The following GAS2 variants were observed in gnomAD, a reference collection of about 807,000 sequenced individuals.
GAS2 encodes growth arrest-specific protein 2.
Under a neutral mutation model 37.5 loss-of-function variants are expected in GAS2, and 20 were observed. The observed-to-expected ratio is 0.53, with a 90% CI of 0.37 to 0.77. GAS2 has a LOEUF of 0.77. Ranked by LOEUF, GAS2 falls within the 30% of genes least tolerant of loss-of-function variation. The pLI is 0.00. For synonymous variants in GAS2, 144 were observed against 132.2 expected (o/e 1.09, Z -0.61); for missense variants, 336 against 373.4 (o/e 0.90, Z 0.82).
chr11:22,682,699 G>T (rs1849739040), intron 2 of GAS2, among the ~76,000 whole-genome samples: 1 of 151,820 alleles, frequency 6.6e-6, no homozygotes, highest in Non-Finnish European at 1.5e-5. Context: ...CCAACATGGT[G>T]AAACCCTGTC....
At chr11:22,789,426 A>ATATATAAATATATATATATATG (rs1491274500) in intron 7 of GAS2, among the ~76,000 whole-genome samples, 4 of 20,738 alleles carry the variant, frequency 1.9e-4, no homozygotes, top group African/African-American at 1.5e-3. Context: ...CTCATATGAG[A>ATATATAAATATATATATATATG]TATATATATA....
intron 7 of GAS2, among the ~76,000 whole-genome samples, chr11:22,774,129 G>A (rs1345283052): frequency 1.3e-5 from 2 of 152,184 alleles, no homozygotes; most frequent in Non-Finnish European, 2.9e-5. Flanking sequence ...AAGTAGCTGA[G>A]ATTACAGGAG....
intron 3 of GAS2, among the ~76,000 whole-genome samples, chr11:22,698,820 A>AT (rs1850678511): frequency 6.6e-6 from 1 of 152,194 alleles, no homozygotes; most frequent in African/African-American, 2.4e-5. Context: ...ATTTAAGAAA[A>AT]TGTGAAGTAG....
intron 1 of GAS2, among the ~76,000 whole-genome samples, chr11:22,674,215 AT>A (rs10532254): frequency 0.33 from 49,728 of 150,628 alleles, 8,956 homozygotes; most frequent in African/African-American, 0.5. Flanking sequence ...CTATTTTTTT[AT>A]TTTTTTTTTT....
chr11:22,789,699 T>A (rs1856046928), intron 7 of GAS2, among the ~76,000 whole-genome samples: 1 of 151,426 alleles, frequency 6.6e-6, no homozygotes. Flanking sequence ...TCTCCTGACC[T>A]CATGATCCGC....
chr11:22,671,252 G>A (rs1233729716), intron 1 of GAS2, among the ~76,000 whole-genome samples: 1 of 151,952 alleles, frequency 6.6e-6, no homozygotes, highest in Non-Finnish European at 1.5e-5. Flanking sequence ...GAAGGATTTA[G>A]TATTAAGTTT....
intron 7 of GAS2, among the ~76,000 whole-genome samples, chr11:22,806,227 T>A (rs1447948487): frequency 6.6e-6 from 1 of 152,206 alleles, no homozygotes; most frequent in Non-Finnish European, 1.5e-5. Context: ...GCTTCTTTCA[T>A]GTACCACAAT....
At position 22,695,540 on chromosome 11, in the gene GAS2, C is replaced by A. The variant is rs147337656; in HGVS notation, c.267+9751C>A. Among the ~76,000 whole-genome samples, 116 of 152,248 alleles carry A rather than the reference C, an allele frequency of 7.6e-4. 1 individual carries two copies. The highest frequency in any genetic ancestry group is 2.7e-3 in the African/African-American group (114 of 41,560). On this transcript the variant is annotated intron_variant, in intron 3 of 7. Coordinates refer to ENST00000454584, the MANE Select transcript of GAS2 (RefSeq NM_001143830.3). ...TCATTCTTTTCATGTCTCTGCCTCT[C>A]TTCCCAAGATAAGAATGTTAATCCC... is the stretch of plus-strand genomic sequence containing the variant.
chr11:22,806,114 G>T (rs1432785006), intron 7 of GAS2, among the ~76,000 whole-genome samples: 10 of 152,102 alleles, frequency 6.6e-5, no homozygotes, highest in African/African-American at 2.4e-4. Flanking sequence ...ATGCAGCCCA[G>T]TAGGTCTCAG....
At chr11:22,635,325 G>A (rs1391913270) in intron 1 of GAS2, among the ~76,000 whole-genome samples, 1 of 152,196 alleles carries the variant, frequency 6.6e-6, no homozygotes, top group Admixed American at 6.5e-5. Flanking sequence ...TGGCTTCTGA[G>A]GGAACATTCC....
chr11:22,636,525 T>G (rs997210075), intron 1 of GAS2, among the ~76,000 whole-genome samples: 3 of 152,206 alleles, frequency 2.0e-5, no homozygotes, highest in African/African-American at 7.2e-5. Context: ...ATTTGATCAT[T>G]TTGAGCCAAT....
chr11:22,677,192 G>C (rs1275730954), intron 2 of GAS2, among the ~76,000 whole-genome samples: 1 of 152,166 alleles, frequency 6.6e-6, no homozygotes, highest in East Asian at 1.9e-4. Flanking sequence ...GTGGGAGTAG[G>C]GCAAAGGATC....
chr11:22,736,177 T>C (rs1266959115), intron 4 of GAS2, among the ~76,000 whole-genome samples: 2 of 152,010 alleles, frequency 1.3e-5, no homozygotes, highest in Non-Finnish European at 2.9e-5. Flanking sequence ...TTTAATATAC[T>C]AAACCTTATG....
intron 1 of GAS2, among the ~76,000 whole-genome samples, chr11:22,639,444 A>C (rs889238243): frequency 6.6e-6 from 1 of 152,178 alleles, no homozygotes; most frequent in Non-Finnish European, 1.5e-5. Flanking sequence ...TTTCTTTCTA[A>C]ATTACCAGTC....
chr11:22,627,430 G>T (rs1858677730), intron 1 of GAS2, among the ~76,000 whole-genome samples: 1 of 152,110 alleles, frequency 6.6e-6, no homozygotes, highest in East Asian at 1.9e-4. Flanking sequence ...AAATTGAGTG[G>T]GGTCACCAAG....
intron 1 of GAS2, among the ~76,000 whole-genome samples, chr11:22,627,729 C>T (rs905886544): frequency 2.0e-5 from 3 of 148,194 alleles, no homozygotes; most frequent in East Asian, 4.0e-4. Flanking sequence ...GAGCTGAGAT[C>T]GGGCCACTGC....
chr11:22,661,078 T>C (rs1301953419), intron 1 of GAS2, among the ~76,000 whole-genome samples: 1 of 152,204 alleles, frequency 6.6e-6, no homozygotes, highest in African/African-American at 2.4e-5. Flanking sequence ...AAATTATTAG[T>C]GTACTTAAAA....
intron 3 of GAS2, among the ~76,000 whole-genome samples, chr11:22,706,327 GTT>G (rs201529420): frequency 6.8e-6 from 1 of 146,990 alleles, no homozygotes; most frequent in Non-Finnish European, 1.5e-5. Context: ...GAAGTAGACG[GTT>G]TTTTTTTTTC....
intron 5 of GAS2, among the ~76,000 whole-genome samples, chr11:22,747,301 T>G (rs886746280): frequency 6.6e-6 from 1 of 152,164 alleles, no homozygotes; most frequent in African/African-American, 2.4e-5. Flanking sequence ...GACAGTGATC[T>G]CTACCACTAT....
Sources: gnomAD v4.1 joint callset for allele counts (sites outside exome capture counted in the v4.1 genomes callset) on GRCh38, gnomAD v4.1.1 for gene constraint, MANE v1.5 for transcripts, NCBI Gene and HGNC (gene_info 2026-07-23, HGNC 2026-07-21) for gene names.